Variants in DNAH8 observed in about 807,000 individuals in gnomAD.
The protein encoded by DNAH8 is dynein axonemal heavy chain 8.
DNAH8 carries 382 observed loss-of-function variants against 562.1 expected under a neutral mutation model. The ratio of observed to expected loss-of-function variants is 0.68; its 90% CI spans 0.63 to 0.74. The LOEUF (loss-of-function observed/expected upper bound fraction) is 0.74. Ranked by LOEUF, DNAH8 falls within the 30% of genes least tolerant of loss-of-function variation. The probability of loss-of-function intolerance (pLI) is 0.00; values close to 1 mark genes in which losing one functional copy is unlikely to be tolerated. For synonymous variants in DNAH8, 1,881 were observed against 1,919.4 expected (o/e 0.98, Z 0.52); for missense variants, 5,203 against 5,620.4 (o/e 0.93, Z 2.37).
intron 70 of DNAH8, 146 bp from the exon 71 acceptor site, chr6:38,921,223 G>A (rs942524608): frequency 1.1e-4 from 95 of 893,280 alleles, no homozygotes; most frequent in Non-Finnish European, 1.5e-4. Context: ...CCTCCAAGAC[G>A]CTTTGCTTTC....
At chr6:38,817,322 AACAGAGGGAG>A in intron 26 of DNAH8, among the ~76,000 whole-genome samples, 1 of 152,214 alleles carries the variant, frequency 6.6e-6, no homozygotes, top group East Asian at 1.9e-4. Context: ...CAGCCAGAGC[AACAGAGGGAG>A]ACTCCATCTC....
chr6:38,967,588 T>C lies in DNAH8; in HGVS notation c.12452-4004T>C, dbSNP rs192368939. On this transcript the variant is annotated intron_variant, in intron 82 of 92. Coordinates refer to ENST00000327475, the MANE Select transcript of DNAH8 (RefSeq NM_001206927.2). ...TAAATTCAATAAAAGAAGTGGAAGA[T>C]TTGTACATTGAAAACTAAAAAACAT... 5.3e-3 allele frequency among the ~76,000 whole-genome samples: 808 copies of C among 152,150 alleles called. 8 individuals are homozygous for C. Among genetic ancestry groups the C allele is most frequent in the African/African-American group, 0.018 (760 of 41,520 alleles).
At position 39,009,901 on chromosome 6, in the gene DNAH8, A is replaced by T. The variant is rs141100283; in HGVS notation, c.13371+931A>T. ...GGAGAAAATATTTTTAAATGGATAA[A>T]TATTGTAAGTATACACTTTCAATAG... is the stretch of plus-strand genomic sequence containing the variant. On this transcript the variant is annotated intron_variant, in intron 89 of 92. Coordinates refer to ENST00000327475, the MANE Select transcript of DNAH8 (RefSeq NM_001206927.2). Among the ~76,000 whole-genome samples, 193 of 152,320 alleles carry T rather than the reference A, an allele frequency of 1.3e-3. 1 individual carries two copies. In the East Asian group the frequency reaches 0.026, roughly 20 times the overall value.
rs1764172437 is a variant in DNAH8, at chr6:38,983,460, T to C, written c.12952-746T>C. Among the ~76,000 whole-genome samples the C allele has an allele frequency of 2.0e-5, 3 of 152,364 alleles. No individual in the cohort carries two copies. In the South Asian group the frequency reaches 6.2e-4, roughly 32 times the overall value. On this transcript the variant is annotated intron_variant, in intron 86 of 92. Transcript: ENST00000327475. ...CAGTCTGATGAAAAGTTATATTCTA[T>C]GTGTTCATATTCTGTGGTCATTTAT...
chr6:38,935,188 T>C (rs1259161119), intron 76 of DNAH8, among the ~76,000 whole-genome samples: 1 of 152,206 alleles, frequency 6.6e-6, no homozygotes, highest in African/African-American at 2.4e-5. Context: ...GGTTTCTTGG[T>C]ATTATTGCCT....
intron 47 of DNAH8, 58 bp downstream of exon 47, chr6:38,866,934 AT>A: frequency 9.8e-7 from 1 of 1,023,704 alleles, no homozygotes; most frequent in Non-Finnish European, 1.5e-6. Flanking sequence ...TTGCTTTGTA[AT>A]TTTCCCTTGA....
chr6:38,912,935 A>C (rs1781011529), intron 66 of DNAH8, among the ~76,000 whole-genome samples: 2 of 151,932 alleles, frequency 1.3e-5, no homozygotes, highest in Admixed American at 1.3e-4. Context: ...TCAGCCTCCC[A>C]AGTAACTGGG....
chr6:38,941,104 G>A (rs1434072768), intron 79 of DNAH8, among the ~76,000 whole-genome samples: 1 of 151,586 alleles, frequency 6.6e-6, no homozygotes, highest in African/African-American at 2.4e-5. Flanking sequence ...TGGTGACAGA[G>A]TGAGACTCTG....
chr6:38,977,816 G>A (rs1428653755), intron 85 of DNAH8, among the ~76,000 whole-genome samples: 1 of 152,086 alleles, frequency 6.6e-6, no homozygotes, highest in Admixed American at 6.5e-5. Flanking sequence ...GTATTGGACC[G>A]AGTAAATGTC....
chr6:38,956,408 C>T (rs1278635594), intron 82 of DNAH8, among the ~76,000 whole-genome samples: 1 of 152,220 alleles, frequency 6.6e-6, no homozygotes, highest in Non-Finnish European at 1.5e-5. Flanking sequence ...TCCAGTTCCT[C>T]CTGCTGTAGT....
chr6:38,778,497 G>T (rs1768276209), intron 14 of DNAH8, 33 bp downstream of exon 14: 1 of 1,237,392 alleles, frequency 8.1e-7, no homozygotes, highest in Middle Eastern at 1.9e-4. Context: ...AGTAGTTTCT[G>T]GGGGGAATAA....
chr6:38,746,756 C>G (rs1387973188), intron 8 of DNAH8, among the ~76,000 whole-genome samples: 1 of 151,970 alleles, frequency 6.6e-6, no homozygotes, highest in East Asian at 1.9e-4. Context: ...TGGCAAAATC[C>G]CGTCTCTACT....
chr6:38,867,752 C>CAAAAAAA (rs68060910), intron 47 of DNAH8, among the ~76,000 whole-genome samples: 3 of 88,746 alleles, frequency 3.4e-5, no homozygotes, highest in Non-Finnish European at 4.6e-5. Flanking sequence ...GACTCCATCT[C>CAAAAAAA]AAAAAAAAAA....
At position 38,926,481 on chromosome 6, in the gene DNAH8, G is replaced by C. The variant is rs570658309; in HGVS notation, c.11118+271G>C. Among the ~76,000 whole-genome samples, 9 of 152,226 alleles carry C rather than the reference G, an allele frequency of 5.9e-5. No homozygotes were observed. In the South Asian group the frequency reaches 1.9e-3, roughly 32 times the overall value. ...GAATGTGGCTTTTGTTCCGGGCCTT[G>C]GGTTTGGGCCTATAGGAAAGTGGCA... On this transcript the variant is annotated intron_variant, in intron 74 of 92. Coordinates refer to ENST00000327475, the MANE Select transcript of DNAH8 (RefSeq NM_001206927.2).
intron 1 of DNAH8, among the ~76,000 whole-genome samples, chr6:38,715,942 ATATATATATATATATATATTT>A (rs1762273112): frequency 7.3e-5 from 1 of 13,694 alleles, no homozygotes; most frequent in African/African-American, 2.9e-4. Flanking sequence ...ATATATATAT[ATATATATATATATATATATTT>A]TTTTTTTTTT....
chr6:38,827,954 A>C (rs1016426574), intron 29 of DNAH8, among the ~76,000 whole-genome samples: 3 of 151,952 alleles, frequency 2.0e-5, no homozygotes, highest in East Asian at 3.9e-4. Context: ...CATCTCCATC[A>C]GAATCACCTA....
At chr6:38,742,580 G>A (rs1764605168) in intron 8 of DNAH8, among the ~76,000 whole-genome samples, 1 of 152,078 alleles carries the variant, frequency 6.6e-6, no homozygotes, top group African/African-American at 2.4e-5. Context: ...GGGATTACAG[G>A]CGTGAGCAAC....
In DNAH8 at chr6:38,803,297, T is replaced by G. The variant is rs767539664; in HGVS notation, c.3020T>G (p.Val1007Gly). The G allele has an allele frequency of 1.2e-6, 2 of 1,600,248 alleles. No individual in the cohort carries two copies. The highest frequency in any genetic ancestry group is 1.7e-6 in the Non-Finnish European group (2 of 1,174,338). Residue 1007 changes from valine (V) to glycine (G), a missense_variant, in exon 22 of 93, where the codon GTA becomes GGA. Val to Gly is a moderately radical substitution (Grantham distance 109). Around this residue, in one of 6 missense-constraint regions of DNAH8, gnomAD observed 2,176 missense variants for 2,365.1 expected, o/e 0.92. Coordinates refer to ENST00000327475, the MANE Select transcript of DNAH8 (RefSeq NM_001206927.2). ...QIYEVKYTGK[V>G]GKQSEQRKHV... ...TATGAAGTGAAATACACTGGGAAAG[T>G]AGGAAAACAGTCAGGTAACTTTTCT... is the stretch of plus-strand genomic sequence containing the variant.
At chr6:39,008,068 G>A (rs1314981993) in intron 88 of DNAH8, among the ~76,000 whole-genome samples, 2 of 151,600 alleles carry the variant, frequency 1.3e-5, no homozygotes, top group African/African-American at 4.8e-5. Context: ...AAGCTAGAGA[G>A]TGGGAATGAG....
Sources: gnomAD v4.1 joint callset for allele counts (sites outside exome capture counted in the v4.1 genomes callset) on GRCh38, gnomAD v4.1.1 for gene constraint, gnomAD v4.1.1 regional missense constraint, MANE v1.5 for transcripts, NCBI Gene and HGNC (gene_info 2026-07-23, HGNC 2026-07-21) for gene names.